The following ADGRL2 variants were observed in gnomAD, a reference collection of about 807,000 sequenced individuals.
The protein encoded by ADGRL2 is adhesion G protein-coupled receptor L2, also known as calcium-independent alpha-latrotoxin receptor 2.
ADGRL2 carries 44 observed loss-of-function variants against 157.4 expected under a neutral mutation model. The observed-to-expected ratio is 0.28, with a 90% CI of 0.22 to 0.36. ADGRL2 has a LOEUF of 0.36. Among genes scored for constraint, ADGRL2 ranks in the 10% least tolerant of loss-of-function variants. ADGRL2 has a pLI of 1.00. For missense variants in ADGRL2, 1,510 were observed against 1,768.9 expected, an observed-to-expected ratio of 0.85 and a Z score of 2.63; for synonymous variants, 585 against 624.7, an observed-to-expected ratio of 0.94 and a Z score of 0.95.
intron 1 of ADGRL2, among the ~76,000 whole-genome samples, chr1:81,407,466 T>C (rs1570881298): frequency 6.6e-6 from 1 of 152,260 alleles, no homozygotes; most frequent in East Asian, 1.9e-4. Flanking sequence ...GACTGCCCAC[T>C]GTTACACATC....
At chr1:81,713,449 A>G (rs370518754) in intron 1 of ADGRL2, among the ~76,000 whole-genome samples, 8 of 152,210 alleles carry the variant, frequency 5.3e-5, no homozygotes, top group African/African-American at 1.9e-4. Flanking sequence ...GGAAGAAACG[A>G]TTAACTCTAA....
At chr1:81,449,799 C>T (rs987868760) in intron 2 of ADGRL2, among the ~76,000 whole-genome samples, 4 of 152,080 alleles carry the variant, frequency 2.6e-5, no homozygotes, top group African/African-American at 9.7e-5. Flanking sequence ...CCATGTTGCC[C>T]AGGCTGGTCT....
chr1:81,910,461 G>GTT (rs980596544), intron 3 of ADGRL2, among the ~76,000 whole-genome samples: 5 of 151,444 alleles, frequency 3.3e-5, no homozygotes, highest in Admixed American at 2.6e-4. Flanking sequence ...TTAATTTTGT[G>GTT]TTTTAAAAAT....
chr1:81,602,562 A>G (rs1304492282), intron 3 of ADGRL2, among the ~76,000 whole-genome samples: 1 of 152,064 alleles, frequency 6.6e-6, no homozygotes, highest in African/African-American at 2.4e-5. Flanking sequence ...ACTGCACTCC[A>G]TCCTGGGCAA....
chr1:81,371,784 C>T lies in ADGRL2; in HGVS notation c.-302+65275C>T, dbSNP rs143821464. Among the ~76,000 whole-genome samples the T allele has an allele frequency of 2.7e-3, 414 of 152,272 alleles. 1 individual carries two copies. Among genetic ancestry groups the T allele is most frequent in the African/African-American group, 9.6e-3 (397 of 41,554 alleles). On this transcript the variant is annotated intron_variant, in intron 1 of 24. Transcript: ENST00000370721. ...TGGGTTATTTGATTCACCCATCGAT[C>T]CATGTAACCATTCATTCATTATTCA...
intron 2 of ADGRL2, among the ~76,000 whole-genome samples, chr1:81,849,217 A>G (rs539208069): frequency 1.3e-5 from 2 of 152,108 alleles, no homozygotes; most frequent in Non-Finnish European, 2.9e-5. Flanking sequence ...CTTCAGTGAC[A>G]AAAGACTGGA....
intron 2 of ADGRL2, among the ~76,000 whole-genome samples, chr1:81,575,960 T>C (rs1197974705): frequency 1.3e-5 from 2 of 152,176 alleles, no homozygotes; most frequent in Non-Finnish European, 2.9e-5. Context: ...ACATTATCCA[T>C]TTTGTTTCAT....
Position 81,365,725 on chromosome 1 carries a change from T to A in ADGRL2, c.-302+59216T>A, listed in dbSNP as rs548865521. Among the ~76,000 whole-genome samples the A allele has an allele frequency of 9.2e-5, 14 of 152,278 alleles. No individual in the cohort carries two copies. The South Asian group carries it at 2.7e-3, about 29-fold the overall frequency. ...GGAAACTATATTTTACTGCCCTGATTCAACATTAGCACTTATTCAACCTTA... is the reference window on the plus strand; with the variant it reads ...GGAAACTATATTTTACTGCCCTGATACAACATTAGCACTTATTCAACCTTA... On this transcript the variant is annotated intron_variant, in intron 1 of 24. Transcript: ENST00000370721.
intron 2 of ADGRL2, among the ~76,000 whole-genome samples, chr1:81,763,046 TAAAAAAA>T (rs748864220): frequency 6.8e-5 from 5 of 73,768 alleles, no homozygotes; most frequent in Non-Finnish European, 1.2e-4. Context: ...AGACTCCGTC[TAAAAAAA>T]AAAAAAAAAA....
At chr1:81,986,004 TATA>T (rs2149491400) in intron 21 of ADGRL2, among the ~76,000 whole-genome samples, 1 of 152,154 alleles carries the variant, frequency 6.6e-6, no homozygotes, top group East Asian at 1.9e-4. Context: ...TACAATGAAA[TATA>T]ATGACATTTT....
intron 2 of ADGRL2, among the ~76,000 whole-genome samples, chr1:81,463,129 A>AAAAAAG (rs1266109372): frequency 2.6e-4 from 39 of 147,472 alleles, no homozygotes; most frequent in Admixed American, 2.8e-4. Flanking sequence ...AAAAAAAAAA[A>AAAAAAG]AAAAAGAAAA....
At chr1:81,935,362 T>C (rs975900050) in intron 3 of ADGRL2, among the ~76,000 whole-genome samples, 1 of 152,034 alleles carries the variant, frequency 6.6e-6, no homozygotes, top group Non-Finnish European at 1.5e-5. Flanking sequence ...ACTTATACTT[T>C]ATTTAGGTCT....
At chr1:81,461,077 G>A (rs1557705483) in intron 2 of ADGRL2, among the ~76,000 whole-genome samples, 1 of 152,178 alleles carries the variant, frequency 6.6e-6, no homozygotes, top group East Asian at 1.9e-4. Context: ...AAGGGAAAGA[G>A]CTGCCAGATC....
chr1:81,856,951 A>C (rs1187324313), intron 2 of ADGRL2, among the ~76,000 whole-genome samples: 2 of 152,170 alleles, frequency 1.3e-5, no homozygotes, highest in Non-Finnish European at 2.9e-5. Context: ...TTATAGATAC[A>C]TAGAAATAAC....
chr1:81,831,300 A>T (rs2091927688), intron 1 of ADGRL2, among the ~76,000 whole-genome samples: 1 of 152,220 alleles, frequency 6.6e-6, no homozygotes, highest in African/African-American at 2.4e-5. Context: ...AATATAAATG[A>T]GTAAATTAGG....
At chr1:81,824,967 C>CTCTCTT (rs150218462) in intron 1 of ADGRL2, among the ~76,000 whole-genome samples, 40,149 of 150,404 alleles carry the variant, frequency 0.27, 5,747 homozygotes, top group Middle Eastern at 0.47. Flanking sequence ...CTCTCTCTCT[C>CTCTCTT]TCTCTCTCTC....
intron 3 of ADGRL2, among the ~76,000 whole-genome samples, chr1:81,664,296 A>G (rs1211098773): frequency 6.6e-6 from 1 of 152,174 alleles, no homozygotes; most frequent in Non-Finnish European, 1.5e-5. Flanking sequence ...TCCTAGATTT[A>G]TAATAAGAAT....
intron 3 of ADGRL2, among the ~76,000 whole-genome samples, chr1:81,627,242 G>A (rs773997060): frequency 3.9e-5 from 6 of 151,912 alleles, no homozygotes; most frequent in Non-Finnish European, 4.4e-5. Context: ...GTATATATTC[G>A]ATTTATCCAA....
chr1:81,721,492 A>T (rs2084318054), intron 1 of ADGRL2, among the ~76,000 whole-genome samples: 1 of 152,208 alleles, frequency 6.6e-6, no homozygotes, highest in East Asian at 1.9e-4. Context: ...ATAGTGGCTC[A>T]CGCTTGTAAT....
Sources: gnomAD v4.1 joint callset for allele counts (sites outside exome capture counted in the v4.1 genomes callset) on GRCh38, gnomAD v4.1.1 for gene constraint, MANE v1.5 for transcripts, NCBI Gene and HGNC (gene_info 2026-07-23, HGNC 2026-07-21) for gene names.